The following ARHGAP35 variants were observed in gnomAD, a reference collection of about 807,000 sequenced individuals.
The protein encoded by ARHGAP35 is Rho GTPase activating protein 35, also known as rho GTPase-activating protein 35.
In ARHGAP35, 15 loss-of-function variants were observed where a neutral mutation model predicts 111.1. That is an observed-to-expected ratio of 0.13 (90% confidence interval 0.09 to 0.21). ARHGAP35 has a LOEUF of 0.21. Among genes scored for constraint, ARHGAP35 ranks in the 10% least tolerant of loss-of-function variants. The pLI, the probability that ARHGAP35 is intolerant of heterozygous loss-of-function variation, is 1.00. For missense variants in ARHGAP35, 1,262 were observed against 1,873.0 expected, an observed-to-expected ratio of 0.67 and a Z score of 6.02; for synonymous variants, 643 against 710.3, an observed-to-expected ratio of 0.91 and a Z score of 1.51.
chr19:46,899,652 A>G (rs1454981447), intron 1 of ARHGAP35, among the ~76,000 whole-genome samples: 2 of 151,808 alleles, frequency 1.3e-5, no homozygotes. Flanking sequence ...GTGAGCCATA[A>G]TCGCGCCACT....
chr19:46,951,673 C>T (rs1278030499), intron 3 of ARHGAP35, among the ~76,000 whole-genome samples: 1 of 152,162 alleles, frequency 6.6e-6, no homozygotes, highest in African/African-American at 2.4e-5. Flanking sequence ...AGTCAATTTG[C>T]TACTGTTGTT....
intron 2 of ARHGAP35, among the ~76,000 whole-genome samples, chr19:46,933,102 G>A (rs939099400): frequency 1.3e-5 from 2 of 148,692 alleles, no homozygotes; most frequent in African/African-American, 5.0e-5. Context: ...GAAACCTTTG[G>A]AAGTCCTCCA....
rs967290011 is a variant in ARHGAP35 at position 46,993,044 on chromosome 19, C to T, written c.4036+3369C>T. ...GTCATTAATTTCACAGCTAGCCAGG[C>T]CCCGTGTGGACAGGGACAGATGGCA... is the stretch of plus-strand genomic sequence containing the variant. On this transcript the variant is annotated intron_variant, in intron 5 of 6. Transcript: ENST00000672722. This position sits in a 1 kb window ranked among gnomAD's most constrained non-coding sequence, Gnocchi z 4.6. Among the ~76,000 whole-genome samples the T allele has an allele frequency of 6.6e-5, 10 of 152,232 alleles. No individual in the cohort carries two copies. Among genetic ancestry groups the T allele is most frequent in the African/African-American group, 2.4e-4 (10 of 41,448 alleles).
rs2056694283 is a variant in ARHGAP35, at chr19:46,994,188, C to T, written c.4036+4513C>T. On this transcript the variant is annotated intron_variant, in intron 5 of 6. Transcript: ENST00000672722. This position sits in a 1 kb window ranked among gnomAD's most constrained non-coding sequence, Gnocchi z 5.4. The stretch of plus-strand genomic sequence containing the variant: ...AGCAGCTCACCCAGGGCTGGGTGCC[C>T]TGACGGCCCTGTCCCAGTAGGGACA... 6.6e-6 allele frequency among the ~76,000 whole-genome samples: 1 copy of T among 152,146 alleles called. No homozygotes were observed. Among genetic ancestry groups the T allele is most frequent in the Non-Finnish European group, 1.5e-5 (1 of 68,012 alleles).
chr19:46,921,458 A>C lies in ARHGAP35; in HGVS notation c.2783A>C (p.Gln928Pro). Residue 928 changes from glutamine to proline, a missense_variant, in exon 2 of 7, where the codon CAG becomes CCG. Coordinates refer to ENST00000672722, the MANE Select transcript of ARHGAP35 (RefSeq NM_004491.5). This position sits in a 1 kb window ranked among gnomAD's most constrained non-coding sequence, Gnocchi z 4.3. ...RFTSIPCSQP[Q>P]HKLEIFHPFF... ...ACAAGCATCCCCTGTAGCCAACCCC[A>C]GCATAAACTTGAGATCTTTCACCCA... 2 of 1,613,964 alleles carry C rather than the reference A, an allele frequency of 1.2e-6. No individual in the cohort carries two copies. The highest frequency in any genetic ancestry group is 1.7e-6 in the Non-Finnish European group (2 of 1,179,864).
Position 46,888,333 on chromosome 19 carries a change from T to C in ARHGAP35, c.-189+27124T>C, listed in dbSNP as rs867636956. 2.3e-3 allele frequency among the ~76,000 whole-genome samples: 152 copies of C among 67,426 alleles called. 8 individuals carry two copies. Among genetic ancestry groups the C allele is most frequent in the African/African-American group, 8.2e-3 (140 of 17,170 alleles). 44.2% of individuals were successfully genotyped at this position (67,426 alleles called of 152,430 possible). A position where few individuals can be genotyped will look rare whatever the true frequency, so the allele number is the denominator to read the frequency against. On this transcript the variant is annotated intron_variant, in intron 1 of 6. Coordinates refer to ENST00000672722, the MANE Select transcript of ARHGAP35 (RefSeq NM_004491.5). ...ATATATATATAAAATATTGATTTTA[T>C]ACACACACACACACACACACACACA...
chr19:46,979,958 G>C (rs750783281), intron 3 of ARHGAP35, among the ~76,000 whole-genome samples: 2 of 152,148 alleles, frequency 1.3e-5, no homozygotes, highest in African/African-American at 4.8e-5. Context: ...GAAGGCAGCA[G>C]GGGGAGCTGC....
chr19:46,980,163 C>T (rs1210245399), intron 3 of ARHGAP35, among the ~76,000 whole-genome samples: 4 of 151,996 alleles, frequency 2.6e-5, no homozygotes, highest in African/African-American at 9.7e-5. Context: ...GGTGGGCGGA[C>T]CACCTGAGGT....
chr19:46,890,522 A>G (rs1386129748), intron 1 of ARHGAP35, among the ~76,000 whole-genome samples: 1 of 152,212 alleles, frequency 6.6e-6, no homozygotes, highest in Non-Finnish European at 1.5e-5. Flanking sequence ...GTCTCCTGGG[A>G]ACAGCTATTA....
intron 1 of ARHGAP35, among the ~76,000 whole-genome samples, chr19:46,862,094 C>T (rs1432189337): frequency 2.0e-5 from 3 of 152,142 alleles, no homozygotes; most frequent in African/African-American, 7.2e-5. Flanking sequence ...AGACCCTTTC[C>T]TCTCTTCCAG....
intron 3 of ARHGAP35, among the ~76,000 whole-genome samples, chr19:46,955,198 C>T (rs988039235): frequency 1.3e-5 from 2 of 152,298 alleles, no homozygotes; most frequent in Admixed American, 6.5e-5. Flanking sequence ...GATTCTAAGC[C>T]GCCCCCGTCC....
chr19:46,939,827 G>C (rs1389076242), intron 3 of ARHGAP35, among the ~76,000 whole-genome samples: 1 of 152,118 alleles, frequency 6.6e-6, no homozygotes, highest in African/African-American at 2.4e-5. Context: ...TAATCTGTCT[G>C]TAATCTAATC....
intron 2 of ARHGAP35, among the ~76,000 whole-genome samples, chr19:46,935,870 G>C (rs2056304610): frequency 6.6e-6 from 1 of 152,148 alleles, no homozygotes; most frequent in Non-Finnish European, 1.5e-5. Flanking sequence ...AAAATAAAAA[G>C]ATTGAATACT....
intron 3 of ARHGAP35, among the ~76,000 whole-genome samples, chr19:46,973,021 A>ATT (rs11385173): frequency 1.3e-5 from 2 of 151,936 alleles, no homozygotes; most frequent in African/African-American, 4.8e-5. Flanking sequence ...CTACCTGAGG[A>ATT]TTTTTTTTCT....
Position 46,922,720 on chromosome 19 carries a change from A to C in ARHGAP35, c.3681+364A>C, listed in dbSNP as rs1391355784. ...TCAAAACTGCTTGCCGCAGTCTCTCACTGCTAAACATAACATTTCATCCAT... is the reference window on the plus strand; with the variant it reads ...TCAAAACTGCTTGCCGCAGTCTCTCCCTGCTAAACATAACATTTCATCCAT... On this transcript the variant is annotated intron_variant, in intron 2 of 6. Coordinates refer to ENST00000672722, the MANE Select transcript of ARHGAP35 (RefSeq NM_004491.5). This position sits in a 1 kb window ranked among gnomAD's most constrained non-coding sequence, Gnocchi z 4.0. Among the ~76,000 whole-genome samples, 1 of 152,198 alleles carries C rather than the reference A, an allele frequency of 6.6e-6. No homozygotes were observed. The highest frequency in any genetic ancestry group is 1.5e-5 in the Non-Finnish European group (1 of 68,034).
chr19:46,944,607 C>T (rs1450930411), intron 3 of ARHGAP35, among the ~76,000 whole-genome samples: 1 of 152,130 alleles, frequency 6.6e-6, no homozygotes, highest in African/African-American at 2.4e-5. Context: ...GATGCAAGAG[C>T]TGGTATGAGA....
At position 46,999,241 on chromosome 19, in the gene ARHGAP35, C is replaced by T. The variant is rs540213259; in HGVS notation, c.4037-63C>T. 38 of 1,140,336 alleles carry T rather than the reference C, an allele frequency of 3.3e-5. No individual in the cohort carries two copies. The African/African-American group carries it at 4.6e-4, about 14-fold the overall frequency. 70.6% of individuals were successfully genotyped at this position (1,140,336 alleles called of 1,614,324 possible). On this transcript the variant is annotated intron_variant, in intron 5 of 6. Transcript: ENST00000672722. The surrounding 1 kb of genome is among the most constrained non-coding windows in gnomAD (Gnocchi z 5.4). ...CTCAGAGAAGGCCCATCACAGAGCA[C>T]GCCCTGGGGTGGCCACCAGCCTCGG...
chr19:46,868,821 A>T (rs2055871917), intron 1 of ARHGAP35, among the ~76,000 whole-genome samples: 1 of 152,134 alleles, frequency 6.6e-6, no homozygotes, highest in Non-Finnish European at 1.5e-5. Flanking sequence ...CAATTAAAAA[A>T]TAAAAATTAA....
intron 3 of ARHGAP35, among the ~76,000 whole-genome samples, chr19:46,955,808 A>G (rs1045443629): frequency 1.2e-4 from 19 of 152,230 alleles, no homozygotes; most frequent in Non-Finnish European, 2.5e-4. Context: ...AAAAATGGTA[A>G]TTGCTGTATG....
Sources: allele counts gnomAD v4.1 joint callset (sites outside exome capture counted in the v4.1 genomes callset), GRCh38; gene constraint gnomAD v4.1.1; non-coding constraint Gnocchi (gnomAD v3.1); transcripts MANE v1.5; gene names NCBI Gene and HGNC (gene_info 2026-07-23, HGNC 2026-07-21).